The following OPHN1 variants were observed in gnomAD, a reference collection of about 807,000 sequenced individuals.
OPHN1 encodes the protein oligophrenin-1.
OPHN1 carries 11 observed loss-of-function variants against 60.7 expected under a neutral mutation model. That is an observed-to-expected ratio of 0.18 (90% CI 0.11 to 0.30). The LOEUF is 0.30. OPHN1 is among the 10% of genes least tolerant of loss of function. OPHN1 has a pLI of 1.00. For synonymous variants in OPHN1, 226 were observed against 222.6 expected (o/e 1.02, Z -0.14); for missense variants, 449 against 611.0 (o/e 0.73, Z 2.80).
intron 15 of OPHN1, among the ~76,000 whole-genome samples, chrX:68,185,779 TAAAGA>T (rs1161719257): frequency 9.1e-6 from 1 of 109,794 alleles, no homozygotes; most frequent in East Asian, 2.9e-4. Context: ...AAGACAAGGC[TAAAGA>T]AAAGGAGAAA....
chrX:68,117,059 T>A (rs891996100), intron 16 of OPHN1, among the ~76,000 whole-genome samples: 3 of 111,713 alleles, frequency 2.7e-5, no homozygotes, highest in South Asian at 3.8e-4. Context: ...ATGTTTAAAA[T>A]CTTTCAATAT....
chrX:68,275,189 G>A (rs182526783), intron 4 of OPHN1, among the ~76,000 whole-genome samples: 194 of 112,215 alleles, frequency 1.7e-3, no homozygotes, highest in Admixed American at 5.6e-3. Flanking sequence ...CATTTCATCA[G>A]AGGCAAATGA....
At chrX:68,335,869 G>A (rs983684625) in intron 2 of OPHN1, among the ~76,000 whole-genome samples, 4 of 111,532 alleles carry the variant, frequency 3.6e-5, no homozygotes, top group African/African-American at 1.3e-4. Context: ...GGTGGAGGCT[G>A]CAATGAGCAG....
At chrX:68,134,004 G>A (rs1270695109) in intron 15 of OPHN1, among the ~76,000 whole-genome samples, 1 of 109,767 alleles carries the variant, frequency 9.1e-6, no homozygotes, top group African/African-American at 3.3e-5. Flanking sequence ...GTGAAATCCC[G>A]TCTCTACTAA....
At chrX:68,331,647 C>T (rs1277598080) in intron 2 of OPHN1, among the ~76,000 whole-genome samples, 3 of 106,614 alleles carry the variant, frequency 2.8e-5, no homozygotes, top group African/African-American at 1.0e-4. Context: ...ACATGAATCA[C>T]TTGAATCCAC....
rs1041555848 is a variant in OPHN1 at position 68,163,241 on chromosome X, C to T, written c.1276+29678G>A. Among the ~76,000 whole-genome samples the T allele has an allele frequency of 9.9e-5, 11 of 110,959 alleles. No homozygotes were observed. The Admixed American group carries it at 1.1e-3, about 11-fold the overall frequency. ...ATCTTGCTAATTTAAAGTACTCTACCTTGGATCTTCTATTGTACTAATTTA... is the reference window on the plus strand; with the variant it reads ...ATCTTGCTAATTTAAAGTACTCTACTTTGGATCTTCTATTGTACTAATTTA... On this transcript the variant is annotated intron_variant, in intron 15 of 24. Transcript: ENST00000355520.
At chrX:68,279,400 C>T (rs1036296343) in intron 4 of OPHN1, among the ~76,000 whole-genome samples, 8 of 109,055 alleles carry the variant, frequency 7.3e-5, no homozygotes, top group African/African-American at 2.3e-4. Context: ...CGTGAGCCAC[C>T]GCACCCAGCC....
chrX:68,416,136 G>T (rs1406213034), intron 2 of OPHN1, among the ~76,000 whole-genome samples: 1 of 99,491 alleles, frequency 1.0e-5, no homozygotes. Flanking sequence ...TCTGCCTTCT[G>T]GGCTCAAGCC....
chrX:68,417,350 C>T (rs1602405421), intron 2 of OPHN1, among the ~76,000 whole-genome samples: 1 of 111,949 alleles, frequency 8.9e-6, no homozygotes, highest in African/African-American at 3.2e-5. Flanking sequence ...ATTTGGCCTC[C>T]CAAAGTGCTG....
chrX:68,251,527 G>A (rs895486487), intron 5 of OPHN1, among the ~76,000 whole-genome samples: 4 of 111,095 alleles, frequency 3.6e-5, no homozygotes, highest in African/African-American at 9.8e-5. Flanking sequence ...TGAAGATTGA[G>A]GAATGGAAAA....
intron 4 of OPHN1, among the ~76,000 whole-genome samples, chrX:68,275,376 A>G (rs1013183114): frequency 4.5e-5 from 5 of 112,097 alleles, no homozygotes; most frequent in African/African-American, 1.6e-4. Flanking sequence ...TTCAGGGACT[A>G]TTAATATTGG....
chrX:68,244,810 T>G (rs2077797475), intron 5 of OPHN1, among the ~76,000 whole-genome samples: 1 of 111,925 alleles, frequency 8.9e-6, no homozygotes, highest in Admixed American at 9.6e-5. Flanking sequence ...AGCCTGTGAA[T>G]GTTACTATTC....
At chrX:68,206,468 G>A (rs1344170269) in intron 10 of OPHN1, 105 bp downstream of exon 10, 13 of 624,015 alleles carry the variant, frequency 2.1e-5, no homozygotes, top group African/African-American at 4.4e-5. Flanking sequence ...ATGGCCTCAC[G>A]TAACAGTGAT....
chrX:68,225,959 C>T (rs755435089), intron 6 of OPHN1, among the ~76,000 whole-genome samples: 8 of 111,494 alleles, frequency 7.2e-5, no homozygotes, highest in South Asian at 3.8e-4. Context: ...TCAAACCCAA[C>T]GCAAAGAAGC....
At chrX:68,059,659 C>T (rs749486533) in intron 21 of OPHN1, among the ~76,000 whole-genome samples, 3 of 112,075 alleles carry the variant, frequency 2.7e-5, no homozygotes, top group Non-Finnish European at 5.6e-5. Flanking sequence ...AAATGCCACT[C>T]ATAACATTAG....
chrX:68,065,802 T>C (rs773675162), intron 20 of OPHN1, among the ~76,000 whole-genome samples: 1 of 112,228 alleles, frequency 8.9e-6, no homozygotes, highest in Non-Finnish European at 1.9e-5. Flanking sequence ...ATTTACACTA[T>C]TATGTGGTGG....
chrX:68,363,210 G>T lies in OPHN1; in HGVS notation c.155-64114C>A, dbSNP rs1298938164. ...TACAGTGAGCTGAGATCACACCACT[G>T]CACTCCAGCCTGGGCAATAGAGCAA... On this transcript the variant is annotated intron_variant, in intron 2 of 24. Coordinates refer to ENST00000355520, the MANE Select transcript of OPHN1 (RefSeq NM_002547.3). Among the ~76,000 whole-genome samples, 4 of 110,538 alleles carry T rather than the reference G, an allele frequency of 3.6e-5. 1 individual carries two copies. The Admixed American group carries it at 3.9e-4, about 11-fold the overall frequency.
intron 2 of OPHN1, among the ~76,000 whole-genome samples, chrX:68,333,394 TGA>T (rs1461232084): frequency 9.0e-6 from 1 of 110,618 alleles, no homozygotes; most frequent in Non-Finnish European, 1.9e-5. Context: ...CCCAGCACTT[TGA>T]GAGGCCGAGC....
intron 9 of OPHN1, among the ~76,000 whole-genome samples, chrX:68,209,006 G>A (rs183774339): frequency 7.3e-4 from 82 of 112,249 alleles, no homozygotes; most frequent in East Asian, 4.0e-3. Context: ...CAAGTAAACT[G>A]CTCTATGCAA....
Sources: gnomAD v4.1 joint callset for allele counts (sites outside exome capture counted in the v4.1 genomes callset) on GRCh38, gnomAD v4.1.1 for gene constraint, MANE v1.5 for transcripts, NCBI Gene and HGNC (gene_info 2026-07-23, HGNC 2026-07-21) for gene names.